SLC6A6: variants seen among roughly 807,000 people sequenced by gnomAD.
SLC6A6 encodes the protein solute carrier family 6 member 6.
A neutral mutation model predicts 68.8 loss-of-function variants in SLC6A6; 16 were observed. The ratio of observed to expected loss-of-function variants is 0.23; its 90% CI spans 0.16 to 0.35. The LOEUF is 0.35. Among genes scored for constraint, SLC6A6 ranks in the 10% least tolerant of loss-of-function variants. The probability of loss-of-function intolerance (pLI) is 1.00; values close to 1 mark genes in which losing one functional copy is unlikely to be tolerated. For synonymous variants in SLC6A6, 312 were observed against 315.4 expected (o/e 0.99, Z 0.12); for missense variants, 474 against 802.8 (o/e 0.59, Z 4.95).
chr3:14,477,264 G>T lies in SLC6A6; in HGVS notation c.1269G>T (p.Arg423Ser). 1 of 1,613,890 alleles carries T rather than the reference G, an allele frequency of 6.2e-7. No homozygotes were observed. ...SLVDLYPSFL[R>S]KGYRREIFIA... ...TTGATCTTTACCCATCCTTCCTAAG[G>T]AAGGGTTATCGTCGGGAAATCTTCA... Residue 423 changes from arginine to serine, a missense_variant, in exon 11 of 15, where the codon AGG becomes AGT. Arg to Ser is a moderately radical substitution (Grantham distance 110). This residue lies in a region of SLC6A6 where 194 missense variants were observed against 269.8 expected (regional missense o/e 0.72). Coordinates refer to ENST00000622186, the MANE Select transcript of SLC6A6 (RefSeq NM_003043.6). This position sits in a 1 kb window ranked among gnomAD's most constrained non-coding sequence, Gnocchi z 4.2.
chr3:14,441,730 C>A (rs190923384), intron 2 of SLC6A6, among the ~76,000 whole-genome samples: 2 of 152,250 alleles, frequency 1.3e-5, no homozygotes, highest in African/African-American at 4.8e-5. Context: ...GCTACTGCCT[C>A]ACCCTGCCTG....
rs2124956258 is a variant in SLC6A6, at chr3:14,450,482, C to G, written c.599+2666C>G. On this transcript the variant is annotated intron_variant, in intron 5 of 14. Transcript: ENST00000622186. This position sits in a 1 kb window ranked among gnomAD's most constrained non-coding sequence, Gnocchi z 4.1. ...AAGAACCCTGGCTGCCAGCTTGGTA[C>G]TCACCTCCCACTCCAGCTCTCACAC... is the stretch of plus-strand genomic sequence containing the variant. 6.6e-6 allele frequency among the ~76,000 whole-genome samples: 1 copy of G among 152,306 alleles called. No individual in the cohort carries two copies. The highest frequency in any genetic ancestry group is 6.5e-5 in the Admixed American group (1 of 15,304).
intron 6 of SLC6A6, among the ~76,000 whole-genome samples, chr3:14,458,936 T>C (rs1700431994): frequency 1.3e-5 from 2 of 152,254 alleles, no homozygotes; most frequent in South Asian, 4.1e-4. Context: ...ACTGATACAT[T>C]AGCAATAGTG....
chr3:14,483,828 C>A (rs1397395950), intron 14 of SLC6A6, among the ~76,000 whole-genome samples: 1 of 152,102 alleles, frequency 6.6e-6, no homozygotes, highest in Non-Finnish European at 1.5e-5. Flanking sequence ...ACTACAGGCA[C>A]GTACCACCAT....
Position 14,486,968 on chromosome 3 carries a change from A to T in SLC6A6, c.*1961A>T, listed in dbSNP as rs1159821248. On this transcript the variant is annotated 3_prime_UTR_variant, in exon 15 of 15. Transcript: ENST00000622186. The stretch of plus-strand genomic sequence containing the variant: ...ATGGTTGCCGTTTGTGTCTGATTTG[A>T]TTTTACTGTTTTTTCCCTGATTTTA... 1 of 152,202 alleles carries T rather than the reference A, an allele frequency of 6.6e-6. No individual in the cohort carries two copies. Among genetic ancestry groups the T allele is most frequent in the Non-Finnish European group, 1.5e-5 (1 of 68,024 alleles). The allele number at this position is 152,202 out of a possible 1,614,324, so 9.4% of individuals were successfully genotyped here.
chr3:14,413,423 G>T (rs781147470), intron 1 of SLC6A6, among the ~76,000 whole-genome samples: 10 of 152,194 alleles, frequency 6.6e-5, no homozygotes, highest in Non-Finnish European at 1.5e-4. Flanking sequence ...TCTTCTGCTG[G>T]CTGGGGCTTT....
chr3:14,478,538 T>C lies in SLC6A6; in HGVS notation c.1420T>C (p.Phe474Leu). ...SGVCLLWVAF[F>L]ECFVIAWIYG... Reference sequence around the variant, plus strand: ...TGTATGCCTTTTGTGGGTTGCATTCTTTGAATGTTTTGTTATTGCCTGGAT... The same window carrying C: ...TGTATGCCTTTTGTGGGTTGCATTCCTTGAATGTTTTGTTATTGCCTGGAT... Residue 474 changes from phenylalanine to leucine, a missense_variant, in exon 12 of 15, where the codon TTT (phenylalanine) becomes CTT (leucine). Transcript: ENST00000622186. 3 of 1,611,958 alleles carry C rather than the reference T, an allele frequency of 1.9e-6. No homozygotes were observed. Among genetic ancestry groups the C allele is most frequent in the Non-Finnish European group, 1.7e-6 (2 of 1,177,942 alleles).
chr3:14,416,779 G>T (rs1699371615), intron 2 of SLC6A6, among the ~76,000 whole-genome samples: 1 of 152,232 alleles, frequency 6.6e-6, no homozygotes, highest in Non-Finnish European at 1.5e-5. Flanking sequence ...AGTCTGCCGT[G>T]GGGAGGATGC....
rs1559300296 is a variant in SLC6A6 at position 14,447,531 on chromosome 3, T to C, written c.365-51T>C. On this transcript the variant is annotated intron_variant, in intron 4 of 14. Transcript: ENST00000622186. Reference sequence around the variant, plus strand: ...CTTCCAGTTGAGTATGTGGCCGTGGTGGGTCTGGCCTCCCTCAGATGTTTA... The same window carrying C: ...CTTCCAGTTGAGTATGTGGCCGTGGCGGGTCTGGCCTCCCTCAGATGTTTA... 4 of 1,602,980 alleles carry C rather than the reference T, an allele frequency of 2.5e-6. No homozygotes were observed. The South Asian group carries it at 4.5e-5, about 18-fold the overall frequency.
At chr3:14,439,531 CAGGG>C in intron 2 of SLC6A6, among the ~76,000 whole-genome samples, 1 of 152,328 alleles carries the variant, frequency 6.6e-6, no homozygotes, top group African/African-American at 2.4e-5. Flanking sequence ...TAGCTGGGCA[CAGGG>C]AGAGGCTTCA....
At chr3:14,425,912 G>T (rs545999461) in intron 2 of SLC6A6, among the ~76,000 whole-genome samples, 1 of 151,808 alleles carries the variant, frequency 6.6e-6, no homozygotes, top group East Asian at 1.9e-4. Context: ...TAGTAATCAC[G>T]GCAGGTATGC....
rs139561700 is a variant in SLC6A6 at position 14,466,545 on chromosome 3, C to T, written c.762C>T (p.Phe254=). ...TCTACTTCACAGCCACTTTTCCATT[C>T]GCCATGCTCCTGGTGCTGCTGGTCC... The part of the protein sequence containing the change: ...KVVYFTATFP[F]AMLLVLLVRG... Residue 254 remains phenylalanine (F), a synonymous_variant, in exon 7 of 15, where the codon TTC becomes TTT. Coordinates refer to ENST00000622186, the MANE Select transcript of SLC6A6 (RefSeq NM_003043.6). 5.6e-4 allele frequency: 895 copies of T among 1,612,572 alleles called. No individual in the cohort carries two copies. The highest frequency in any genetic ancestry group is 6.4e-4 in the Non-Finnish European group (759 of 1,179,048).
chr3:14,476,949 G>C (rs1170486105), intron 10 of SLC6A6, among the ~76,000 whole-genome samples: 1 of 152,222 alleles, frequency 6.6e-6, no homozygotes, highest in African/African-American at 2.4e-5. Context: ...GCAGAGGTGT[G>C]GAATATTTGG....
intron 2 of SLC6A6, among the ~76,000 whole-genome samples, chr3:14,423,482 A>T (rs1317449576): frequency 6.6e-6 from 1 of 152,224 alleles, no homozygotes; most frequent in Admixed American, 6.5e-5. Context: ...CTGTGGGCTC[A>T]TGAGCCTGTC....
intron 2 of SLC6A6, among the ~76,000 whole-genome samples, chr3:14,422,836 A>G (rs1699514282): frequency 6.6e-6 from 1 of 152,164 alleles, no homozygotes; most frequent in South Asian, 2.1e-4. Context: ...GGAGGGGGCT[A>G]GGTTCTCATT....
In SLC6A6 at chr3:14,485,147, T is replaced by C. The variant is rs1169378584; in HGVS notation, c.*140T>C. On this transcript the variant is annotated 3_prime_UTR_variant, in exon 15 of 15. Transcript: ENST00000622186. ...TTGTCACAGAAAATGTAATTGTGGGTATGTGTGCGTGCGTGTGTGTGTGTG... is the reference window on the plus strand; with the variant it reads ...TTGTCACAGAAAATGTAATTGTGGGCATGTGTGCGTGCGTGTGTGTGTGTG... The C allele has an allele frequency of 3.3e-6, 2 of 600,766 alleles. No homozygotes were observed. The highest frequency in any genetic ancestry group is 5.4e-6 in the Non-Finnish European group (2 of 371,658). The allele number at this position is 600,766 out of a possible 1,614,324, so 37.2% of individuals were successfully genotyped here.
chr3:14,429,590 C>T (rs1481117732), intron 2 of SLC6A6, among the ~76,000 whole-genome samples: 1 of 152,198 alleles, frequency 6.6e-6, no homozygotes, highest in East Asian at 1.9e-4. Context: ...CAGGTGCCTC[C>T]CAGTTCATTA....
At chr3:14,453,993 G>A (rs1559303367) in intron 5 of SLC6A6, among the ~76,000 whole-genome samples, 1 of 152,150 alleles carries the variant, frequency 6.6e-6, no homozygotes, top group Non-Finnish European at 1.5e-5. Context: ...TTGGGCGCCC[G>A]CACCCGCAGC....
At chr3:14,460,372 G>T (rs962303654) in intron 6 of SLC6A6, among the ~76,000 whole-genome samples, 15 of 151,996 alleles carry the variant, frequency 9.9e-5, no homozygotes, top group African/African-American at 2.9e-4. Context: ...AGGAGAATGG[G>T]GAGTGTTGGG....
Sources: gnomAD v4.1 joint callset for allele counts (sites outside exome capture counted in the v4.1 genomes callset) on GRCh38, gnomAD v4.1.1 for gene constraint, gnomAD v4.1.1 regional missense constraint, Gnocchi (gnomAD v3.1) non-coding constraint, MANE v1.5 for transcripts, NCBI Gene and HGNC (gene_info 2026-07-23, HGNC 2026-07-21) for gene names.